Variants in KCNA6 observed in about 807,000 individuals in gnomAD.
KCNA6 encodes potassium voltage-gated channel subfamily A member 6, also known as human brain potassium channel-2.
In KCNA6, 17 loss-of-function variants were observed where a neutral mutation model predicts 29.5. That is an observed-to-expected ratio of 0.58 (90% CI 0.39 to 0.86). The LOEUF is 0.86. Among genes scored for constraint, KCNA6 ranks in the 40% least tolerant of loss-of-function variants. The pLI is 0.00. For missense variants in KCNA6, 450 were observed against 703.4 expected (o/e 0.64, Z 4.07); for synonymous variants, 296 against 304.7 (o/e 0.97, Z 0.30).
At chr12:4,830,272 C>G in the KCNA6 span, among the ~76,000 whole-genome samples, 4 of 152,186 alleles carry the variant, frequency 2.6e-5, no homozygotes, top group African/African-American at 2.4e-5. Context: ...ACGTGCTGCC[C>G]CCCAGCTCCA....
the KCNA6 span, among the ~76,000 whole-genome samples, chr12:4,837,761 A>T: frequency 3.5e-3 from 534 of 151,822 alleles, 4 homozygotes; most frequent in African/African-American, 0.012. Context: ...GGACAATGCA[A>T]CCCTTTATTG....
At chr12:4,830,290 C>T in the KCNA6 span, among the ~76,000 whole-genome samples, 1 of 152,210 alleles carries the variant, frequency 6.6e-6, no homozygotes. Flanking sequence ...CCAGCCCCTT[C>T]GATGCCATCC....
At chr12:4,815,011 T>C (rs12321980), downstream of KCNA6, among the ~76,000 whole-genome samples, 43,956 of 152,066 alleles carry the variant, frequency 0.29, 6,560 homozygotes, top group Admixed American at 0.37. Context: ...TGCTGGCCCC[T>C]GTAAAAAATT....
rs376626214 is a variant in KCNA6, at chr12:4,810,674, G to A, written c.633G>A (p.Val211=). ...GTCGAGGTGGAAACAATGGTGGTGT[G>A]AGTCGAGTCTCCCCAGTTTCCAGGG... Residue 211 remains valine (V), a synonymous_variant, in exon 1 of 1, where the codon GTG becomes GTA. Coordinates refer to ENST00000280684, the Ensembl canonical transcript of KCNA6. This position sits in a 1 kb window ranked among gnomAD's most constrained non-coding sequence, Gnocchi z 7.5. 1.2e-6 allele frequency: 2 copies of A among 1,611,348 alleles called. No homozygotes were observed. Among genetic ancestry groups the A allele is most frequent in the Non-Finnish European group, 8.5e-7 (1 of 1,179,092 alleles).
the KCNA6 span, among the ~76,000 whole-genome samples, chr12:4,833,181 A>G: frequency 6.6e-6 from 1 of 152,182 alleles, no homozygotes; most frequent in Non-Finnish European, 1.5e-5. Context: ...TTAAAAACCG[A>G]AAAGTTTGAA....
the KCNA6 span, among the ~76,000 whole-genome samples, chr12:4,838,271 G>A: frequency 6.6e-6 from 1 of 152,182 alleles, no homozygotes; most frequent in Non-Finnish European, 1.5e-5. Flanking sequence ...CAAGTTGAGT[G>A]GAGATGTTTG....
the KCNA6 span, among the ~76,000 whole-genome samples, chr12:4,835,204 T>G: frequency 7.1e-5 from 10 of 141,442 alleles, no homozygotes; most frequent in South Asian, 2.3e-4. Flanking sequence ...GCGCGATCTC[T>G]GCTCACTGCA....
the KCNA6 span, among the ~76,000 whole-genome samples, chr12:4,825,746 G>A: frequency 6.6e-6 from 1 of 152,178 alleles, no homozygotes; most frequent in Non-Finnish European, 1.5e-5. Flanking sequence ...AAGTCTTTGA[G>A]AAAATAACAG....
chr12:4,819,880 C>G, the KCNA6 span, among the ~76,000 whole-genome samples: 1 of 152,196 alleles, frequency 6.6e-6, no homozygotes, highest in Non-Finnish European at 1.5e-5. Context: ...ACATCACTTG[C>G]CTTACACAGT....
the KCNA6 span, among the ~76,000 whole-genome samples, chr12:4,822,009 A>G: frequency 1.3e-5 from 2 of 152,026 alleles, no homozygotes; most frequent in African/African-American, 2.4e-5. Flanking sequence ...AATTTTTTGC[A>G]TTTTTAGGAG....
chr12:4,833,887 CT>C, the KCNA6 span, among the ~76,000 whole-genome samples: 1 of 150,308 alleles, frequency 6.7e-6, no homozygotes, highest in Non-Finnish European at 1.5e-5. Context: ...TTGTCTTCTT[CT>C]TCTTCTCCTT....
the KCNA6 span, among the ~76,000 whole-genome samples, chr12:4,836,441 C>T: frequency 7.9e-5 from 12 of 152,144 alleles, no homozygotes; most frequent in Non-Finnish European, 1.3e-4. Flanking sequence ...GGAATTAACA[C>T]TTCAGCAGGG....
chr12:4,821,151 C>T, the KCNA6 span, among the ~76,000 whole-genome samples: 1 of 152,146 alleles, frequency 6.6e-6, no homozygotes, highest in African/African-American at 2.4e-5. Flanking sequence ...TTACAAATCA[C>T]AGGACCAGGG....
chr12:4,850,186 C>T, the KCNA6 span, among the ~76,000 whole-genome samples: 2 of 152,128 alleles, frequency 1.3e-5, no homozygotes, highest in South Asian at 4.1e-4. The surrounding 1 kb of genome is among the most constrained non-coding windows in gnomAD (Gnocchi z 5.4). Context: ...GGGAAGGAGA[C>T]TCGAGAACAT....
At chr12:4,837,825 A>T in the KCNA6 span, among the ~76,000 whole-genome samples, 5 of 151,360 alleles carry the variant, frequency 3.3e-5, no homozygotes, top group South Asian at 2.1e-4. Flanking sequence ...TACCTGTGGG[A>T]GGCTTTTATG....
chr12:4,820,581 A>ACACACACACACACACACACACACG, the KCNA6 span, among the ~76,000 whole-genome samples: 1 of 151,722 alleles, frequency 6.6e-6, no homozygotes, highest in African/African-American at 2.4e-5. Flanking sequence ...ACACACACAC[A>ACACACACACACACACACACACACG]CACACACACA....
the KCNA6 span, among the ~76,000 whole-genome samples, chr12:4,820,546 AACACACAC>A: frequency 0.015 from 1,977 of 134,748 alleles, 31 homozygotes; most frequent in African/African-American, 0.047. Flanking sequence ...GGATTACCTA[AACACACAC>A]ACACACACAC....
the KCNA6 span, among the ~76,000 whole-genome samples, chr12:4,823,153 T>G: frequency 6.6e-6 from 1 of 152,250 alleles, no homozygotes; most frequent in Non-Finnish European, 1.5e-5. Flanking sequence ...TTCCAAAAAG[T>G]TGTTGTTGTT....
chr12:4,825,141 T>C, the KCNA6 span, among the ~76,000 whole-genome samples: 3 of 152,228 alleles, frequency 2.0e-5, no homozygotes, highest in African/African-American at 4.8e-5. Context: ...TGCTGCACTT[T>C]AAACTTCCTT....
Sources: allele counts gnomAD v4.1 joint callset (sites outside exome capture counted in the v4.1 genomes callset), GRCh38; gene constraint gnomAD v4.1.1; non-coding constraint Gnocchi (gnomAD v3.1); transcripts MANE v1.5; gene names NCBI Gene and HGNC (gene_info 2026-07-23, HGNC 2026-07-21).